Variants in SLC9A9 observed in about 807,000 individuals in gnomAD.
SLC9A9 encodes the protein sodium/hydrogen exchanger 9.
Under a neutral mutation model 77.8 loss-of-function variants are expected in SLC9A9, and 62 were observed. The observed-to-expected ratio is 0.80, with a 90% CI of 0.65 to 0.98. The LOEUF (loss-of-function observed/expected upper bound fraction) is 0.98. Among genes scored for constraint, SLC9A9 ranks in the 50% least tolerant of loss-of-function variants. SLC9A9 has a pLI of 0.00. For synonymous variants in SLC9A9, 320 were observed against 283.5 expected (o/e 1.13, Z -1.29); for missense variants, 775 against 774.9 (o/e 1.00, Z 0.00).
intron 6 of SLC9A9, among the ~76,000 whole-genome samples, chr3:143,596,287 C>T (rs746979649): frequency 8.5e-5 from 13 of 152,104 alleles, no homozygotes; most frequent in East Asian, 7.7e-4. Flanking sequence ...CTCTTCTCAA[C>T]GTGTGTGTGT....
chr3:143,747,777 T>C (rs1935230062), intron 4 of SLC9A9, among the ~76,000 whole-genome samples: 1 of 152,184 alleles, frequency 6.6e-6, no homozygotes. Flanking sequence ...TGGAAAATCA[T>C]ATATTTCGAT....
intron 4 of SLC9A9, among the ~76,000 whole-genome samples, chr3:143,757,398 AC>A (rs2006959244): frequency 6.6e-6 from 1 of 152,166 alleles, no homozygotes; most frequent in East Asian, 1.9e-4. Context: ...TTCAGGCCAA[AC>A]AAAACACATC....
chr3:143,563,511 A>G (rs2037120849), intron 8 of SLC9A9, among the ~76,000 whole-genome samples: 1 of 152,120 alleles, frequency 6.6e-6, no homozygotes. Flanking sequence ...GACTGATGCA[A>G]TTTAAATGCA....
chr3:143,615,503 C>T (rs890124087), intron 6 of SLC9A9, among the ~76,000 whole-genome samples: 3 of 152,130 alleles, frequency 2.0e-5, no homozygotes, highest in Admixed American at 6.5e-5. Context: ...CTTGTAAGAG[C>T]GCTGGCGAAA....
At chr3:143,699,921 G>C (rs1933749002) in intron 4 of SLC9A9, among the ~76,000 whole-genome samples, 1 of 151,834 alleles carries the variant, frequency 6.6e-6, no homozygotes, top group Admixed American at 6.6e-5. Flanking sequence ...ATCCAAAAGA[G>C]ATCCCTTCCT....
rs115892891 is a variant in SLC9A9 at position 143,615,220 on chromosome 3, G to A, written c.756-36497C>T. Among the ~76,000 whole-genome samples the A allele has an allele frequency of 3.3e-3, 507 of 152,320 alleles. 2 individuals carry two copies. The highest frequency in any genetic ancestry group is 9.1e-3 in the African/African-American group (378 of 41,560). On this transcript the variant is annotated intron_variant, in intron 6 of 15. Transcript: ENST00000316549. ...CACAGGCACTGACAGTCACCACCACGCCTATGGTTAAGAAAGCAGATGAAA... is the reference window on the plus strand; with the variant it reads ...CACAGGCACTGACAGTCACCACCACACCTATGGTTAAGAAAGCAGATGAAA...
intron 12 of SLC9A9, among the ~76,000 whole-genome samples, chr3:143,391,542 G>A (rs188589817): frequency 8.1e-4 from 123 of 152,318 alleles, no homozygotes; most frequent in Non-Finnish European, 8.8e-4. Flanking sequence ...AAATCAGAGC[G>A]CCTCTCCCCC....
At chr3:143,531,747 T>C (rs1201490961) in intron 9 of SLC9A9, among the ~76,000 whole-genome samples, 2 of 152,198 alleles carry the variant, frequency 1.3e-5, no homozygotes, top group Non-Finnish European at 2.9e-5. Context: ...TTTAAAAAGC[T>C]AAAAACAAAA....
intron 14 of SLC9A9, among the ~76,000 whole-genome samples, chr3:143,288,359 G>A (rs77478401): frequency 6.6e-6 from 1 of 152,108 alleles, no homozygotes; most frequent in African/African-American, 2.4e-5. Flanking sequence ...CGCAGCTCAG[G>A]TTCTACTTGT....
At chr3:143,351,108 T>G (rs1016539195) in intron 14 of SLC9A9, among the ~76,000 whole-genome samples, 4 of 152,152 alleles carry the variant, frequency 2.6e-5, no homozygotes, top group Admixed American at 2.0e-4. Context: ...TTGATTATGA[T>G]CCCATTAAGG....
intron 4 of SLC9A9, among the ~76,000 whole-genome samples, chr3:143,759,968 G>A (rs982372354): frequency 2.0e-5 from 3 of 151,920 alleles, no homozygotes; most frequent in East Asian, 1.9e-4. Context: ...AATCTCACAC[G>A]GTTTATTGTG....
At chr3:143,292,736 G>C (rs939621800) in intron 14 of SLC9A9, among the ~76,000 whole-genome samples, 3 of 152,124 alleles carry the variant, frequency 2.0e-5, no homozygotes, top group African/African-American at 7.2e-5. Flanking sequence ...GCTCACAGCT[G>C]TGTGGACACC....
chr3:143,412,554 ACT>A (rs1263706078), intron 12 of SLC9A9, among the ~76,000 whole-genome samples: 2 of 151,392 alleles, frequency 1.3e-5, no homozygotes, highest in African/African-American at 4.9e-5. Flanking sequence ...AATCCCTCAG[ACT>A]CTCTCTGTAC....
chr3:143,338,312 G>C (rs1348560174), intron 14 of SLC9A9, among the ~76,000 whole-genome samples: 1 of 152,158 alleles, frequency 6.6e-6, no homozygotes, highest in African/African-American at 2.4e-5. Context: ...ATGTGACAAA[G>C]AGAAGGACAT....
intron 9 of SLC9A9, among the ~76,000 whole-genome samples, chr3:143,543,299 C>T (rs999265586): frequency 2.3e-4 from 35 of 152,122 alleles, no homozygotes; most frequent in African/African-American, 5.8e-4. Context: ...CCTATACCAG[C>T]GGCCCACCCC....
intron 6 of SLC9A9, among the ~76,000 whole-genome samples, chr3:143,602,435 T>C (rs954538745): frequency 2.6e-5 from 4 of 152,252 alleles, no homozygotes; most frequent in Non-Finnish European, 5.9e-5. Context: ...AACAGGTCAA[T>C]TGCTCGAAAC....
intron 12 of SLC9A9, among the ~76,000 whole-genome samples, chr3:143,423,957 C>CTCTACAAAGG: frequency 6.6e-6 from 1 of 152,294 alleles, no homozygotes; most frequent in South Asian, 2.1e-4. Flanking sequence ...AATAAGGGAT[C>CTCTACAAAGG]TCTACAAAGT....
chr3:143,757,990 CCA>C (rs1560065860), intron 4 of SLC9A9, among the ~76,000 whole-genome samples: 3 of 152,120 alleles, frequency 2.0e-5, no homozygotes, highest in African/African-American at 7.2e-5. Context: ...ATTGCTACCA[CCA>C]CACAGTTTTC....
intron 6 of SLC9A9, among the ~76,000 whole-genome samples, chr3:143,608,124 T>C (rs1303144433): frequency 6.6e-6 from 1 of 152,194 alleles, no homozygotes; most frequent in Non-Finnish European, 1.5e-5. Flanking sequence ...AAAGACATAA[T>C]GGTGAAGAAT....
Sources: allele counts gnomAD v4.1 joint callset (sites outside exome capture counted in the v4.1 genomes callset), GRCh38; gene constraint gnomAD v4.1.1; transcripts MANE v1.5; gene names NCBI Gene and HGNC (gene_info 2026-07-23, HGNC 2026-07-21).